Variants in PSPC1 observed in about 807,000 individuals in gnomAD.
The protein encoded by PSPC1 is paraspeckle component 1, also known as paraspeckle protein 1.
PSPC1 carries 14 observed loss-of-function variants against 51.6 expected under a neutral mutation model. The ratio of observed to expected loss-of-function variants is 0.27; its 90% CI spans 0.18 to 0.42. The LOEUF (loss-of-function observed/expected upper bound fraction) is 0.42. PSPC1 is among the 10% of genes least tolerant of loss of function. The pLI is 1.00. For synonymous variants in PSPC1, 193 were observed against 231.9 expected (o/e 0.83, Z 1.53); for missense variants, 406 against 701.1 (o/e 0.58, Z 4.75).
At chr13:19,757,210 T>A (rs1887174341) in intron 3 of PSPC1, among the ~76,000 whole-genome samples, 1 of 151,844 alleles carries the variant, frequency 6.6e-6, no homozygotes, top group Non-Finnish European at 1.5e-5. Flanking sequence ...AACTTTGGGT[T>A]CATGGTCTCA....
intron 4 of PSPC1, among the ~76,000 whole-genome samples, chr13:19,750,393 C>T (rs1235103338): frequency 2.6e-5 from 4 of 151,640 alleles, no homozygotes; most frequent in Non-Finnish European, 5.9e-5. Flanking sequence ...TATGGCGCCA[C>T]TGCACTCCAG....
At chr13:19,730,952 AAAAACAAAAAAAC>A (rs1464954541) in intron 5 of PSPC1, among the ~76,000 whole-genome samples, 794 of 31,378 alleles carry the variant, frequency 0.025, 21 homozygotes, top group African/African-American at 0.037. Context: ...CTCAGAAAAA[AAAAACAAAAAAAC>A]AAAAAAAAAA....
At chr13:19,765,956 T>C (rs1012911641) in intron 2 of PSPC1, among the ~76,000 whole-genome samples, 7 of 152,182 alleles carry the variant, frequency 4.6e-5, no homozygotes, top group African/African-American at 1.7e-4. Flanking sequence ...TGGAAAGATA[T>C]GATAAAGCAA....
intron 7 of PSPC1, among the ~76,000 whole-genome samples, chr13:19,708,882 G>C (rs1881039485): frequency 6.6e-6 from 1 of 152,156 alleles, no homozygotes. Context: ...GTTCAATTAG[G>C]ACAGGCGAGG....
At chr13:19,723,311 G>A (rs180839379) in intron 6 of PSPC1, among the ~76,000 whole-genome samples, 12 of 152,228 alleles carry the variant, frequency 7.9e-5, no homozygotes, top group Admixed American at 6.5e-4. Flanking sequence ...ATACAATTAA[G>A]TGTCCTCTGA....
At position 19,751,379 on chromosome 13, in the gene PSPC1, T is replaced by C; in HGVS notation, c.859A>G (p.Lys287Glu). The change falls in exon 4 of 9, where the codon AAG (lysine) becomes GAG (glutamate). Residue 287 changes from lysine to glutamate, a missense_variant. Coordinates refer to ENST00000338910, the MANE Select transcript of PSPC1 (RefSeq NM_001354909.2). ...CTATCAACCTGCTCACGCTGCTGCT[T>C]TTCCATTTCATCAAGAGCCTTCCAT... The part of the protein sequence containing the change: ...SRWKALDEME[K>E]QQREQVDRNI... The C allele has an allele frequency of 6.3e-7, 1 of 1,594,388 alleles. No homozygotes were observed. The highest frequency in any genetic ancestry group is 8.5e-7 in the Non-Finnish European group (1 of 1,173,226).
intron 6 of PSPC1, among the ~76,000 whole-genome samples, chr13:19,685,056 T>C (rs947142013): frequency 2.0e-5 from 3 of 152,220 alleles, no homozygotes; most frequent in African/African-American, 4.8e-5. Flanking sequence ...ATTTAGACTA[T>C]ATAGACCAGG....
rs537047009 is a variant in PSPC1, at chr13:19,772,436, G to A, written c.480C>T (p.Val160=). The part of the protein sequence containing the change: ...RFATHGAALT[V]KNLSPVVSNE... ...TGGAAACAACTGGAGAAAGGTTCTT[G>A]ACAGTCAAGGCTGCTCCATGTGTAG... is the stretch of plus-strand genomic sequence containing the variant. The change falls in exon 2 of 9, where the codon GTC becomes GTT. Residue 160 remains valine, a synonymous_variant. Coordinates refer to ENST00000338910, the MANE Select transcript of PSPC1 (RefSeq NM_001354909.2). 1 of 1,614,234 alleles carries A rather than the reference G, an allele frequency of 6.2e-7. No individual in the cohort carries two copies. The highest frequency in any genetic ancestry group is 2.2e-5 in the East Asian group (1 of 44,888).
intron 7 of PSPC1, among the ~76,000 whole-genome samples, chr13:19,676,619 A>AC (rs112933521): frequency 4.5e-4 from 69 of 152,200 alleles, no homozygotes; most frequent in African/African-American, 1.6e-3. Flanking sequence ...GACTTGCAGG[A>AC]CTCTGTGTCC....
In PSPC1 at chr13:19,691,642, G is replaced by A. The variant is rs2137648566; in HGVS notation, c.1159-13819C>T. On this transcript the variant is annotated intron_variant and NMD_transcript_variant, in intron 6 of 7. Transcript: ENST00000471658. ...CTTATAAGAGATTTACAAAGGCCGGGCGTGGTGAGTCATTGCCTGTAATCC... is the reference window on the plus strand; with the variant it reads ...CTTATAAGAGATTTACAAAGGCCGGACGTGGTGAGTCATTGCCTGTAATCC... 2.0e-5 allele frequency among the ~76,000 whole-genome samples: 3 copies of A among 152,288 alleles called. No homozygotes were observed. The Middle Eastern group carries it at 0.01, about 518-fold the overall frequency.
chr13:19,692,880 A>G (rs1350167524), intron 6 of PSPC1, among the ~76,000 whole-genome samples: 1 of 152,184 alleles, frequency 6.6e-6, no homozygotes, highest in African/African-American at 2.4e-5. Flanking sequence ...AATTCAATGT[A>G]GGGAGGCTGG....
chr13:19,773,904 C>T (rs939651459), intron 1 of PSPC1, among the ~76,000 whole-genome samples: 4 of 152,116 alleles, frequency 2.6e-5, no homozygotes, highest in Non-Finnish European at 5.9e-5. Flanking sequence ...ACAGTCCTCT[C>T]GCCTTAGCCT....
intron 4 of PSPC1, among the ~76,000 whole-genome samples, chr13:19,750,602 A>T (rs1357507781): frequency 6.6e-6 from 1 of 151,954 alleles, no homozygotes; most frequent in Non-Finnish European, 1.5e-5. Context: ...AATAGCCAGC[A>T]TTTGTCCAAA....
chr13:19,723,849 C>A (rs373487066), intron 6 of PSPC1, among the ~76,000 whole-genome samples: 14 of 152,126 alleles, frequency 9.2e-5, no homozygotes, highest in African/African-American at 3.4e-4. Flanking sequence ...CATTAACAAC[C>A]GAAACTAGTC....
intron 6 of PSPC1, among the ~76,000 whole-genome samples, chr13:19,729,238 T>C (rs762631089): frequency 7.2e-5 from 11 of 152,168 alleles, no homozygotes; most frequent in Non-Finnish European, 1.5e-4. Context: ...CAATAGATGA[T>C]CTATTTTAGA....
At chr13:19,774,251 G>A (rs1888882091) in intron 1 of PSPC1, among the ~76,000 whole-genome samples, 1 of 152,130 alleles carries the variant, frequency 6.6e-6, no homozygotes, top group South Asian at 2.1e-4. Context: ...ATTGTGTTAT[G>A]GGAACTCTCC....
intron 4 of PSPC1, among the ~76,000 whole-genome samples, chr13:19,745,086 G>T (rs1885825803): frequency 6.6e-6 from 1 of 152,150 alleles, no homozygotes; most frequent in Non-Finnish European, 1.5e-5. Context: ...GGGAGGCTGA[G>T]GCGGGTGGAT....
chr13:19,774,787 A>G (rs1179960077), intron 1 of PSPC1, among the ~76,000 whole-genome samples: 1 of 148,942 alleles, frequency 6.7e-6, no homozygotes, highest in African/African-American at 2.5e-5. Context: ...CCTGGGTGTC[A>G]GGGACAGACT....
At chr13:19,730,970 A>AAC (rs1884025739) in intron 5 of PSPC1, among the ~76,000 whole-genome samples, 2 of 142,766 alleles carry the variant, frequency 1.4e-5, no homozygotes, top group South Asian at 4.3e-4. Context: ...AAAAACAAAA[A>AAC]AAAAAAAAAC....
Sources: gnomAD v4.1 joint callset for allele counts (sites outside exome capture counted in the v4.1 genomes callset) on GRCh38, gnomAD v4.1.1 for gene constraint, MANE v1.5 for transcripts, NCBI Gene and HGNC (gene_info 2026-07-23, HGNC 2026-07-21) for gene names.